The following LHCGR variants were observed in gnomAD, a reference collection of about 807,000 sequenced individuals.
LHCGR encodes lutropin-choriogonadotropic hormone receptor.
LHCGR carries 55 observed loss-of-function variants against 60.7 expected under a neutral mutation model. The observed-to-expected ratio is 0.91, with a 90% CI of 0.73 to 1.13. The LOEUF (loss-of-function observed/expected upper bound fraction) is 1.13. Among genes scored for constraint, LHCGR ranks in the 50% most tolerant of loss-of-function variants. The probability of loss-of-function intolerance (pLI) is 0.00; values close to 1 mark genes in which losing one functional copy is unlikely to be tolerated. For missense variants in LHCGR, 862 were observed against 836.0 expected (o/e 1.03, Z -0.38); for synonymous variants, 337 against 316.5 (o/e 1.06, Z -0.69).
At chr2:48,754,925 G>A (rs4073654) in intron 1 of LHCGR, among the ~76,000 whole-genome samples, 26,214 of 152,042 alleles carry the variant, frequency 0.17, 2,492 homozygotes, top group East Asian at 0.34. Context: ...AGGGCACAGG[G>A]CCTTTGGTCC....
intron 7 of LHCGR, among the ~76,000 whole-genome samples, chr2:48,712,523 C>T (rs1333860521): frequency 6.6e-6 from 1 of 152,050 alleles, no homozygotes; most frequent in Non-Finnish European, 1.5e-5. Context: ...GTTAATGAAC[C>T]TTTCATTAAG....
chr2:48,739,482 A>G (rs1669339207), intron 1 of LHCGR, among the ~76,000 whole-genome samples: 1 of 151,996 alleles, frequency 6.6e-6, no homozygotes, highest in Non-Finnish European at 1.5e-5. Flanking sequence ...CTATGCAGCC[A>G]TAAAAAATGA....
chr2:48,743,781 C>G (rs1669580247), intron 1 of LHCGR, among the ~76,000 whole-genome samples: 1 of 152,054 alleles, frequency 6.6e-6, no homozygotes. Context: ...TGAATACTGG[C>G]ACAAGACAGG....
intron 7 of LHCGR, 117 bp downstream of exon 7, chr2:48,713,869 T>C: frequency 1.2e-6 from 1 of 822,502 alleles, no homozygotes; most frequent in Non-Finnish European, 2.1e-6. Flanking sequence ...CACTGAGGGC[T>C]AGCCACTTGA....
chr2:48,755,435 G>A, intron 1 of LHCGR, 76 bp downstream of exon 1: 1 of 918,972 alleles, frequency 1.1e-6, no homozygotes, highest in Non-Finnish European at 1.7e-6. Flanking sequence ...GGCCAAAGGA[G>A]TAGGGAGGGA....
chr2:48,729,070 T>G (rs1668869272), intron 3 of LHCGR, 83 bp downstream of exon 3: 1 of 1,059,468 alleles, frequency 9.4e-7, no homozygotes, highest in South Asian at 1.3e-5. Context: ...TAGCAGTGGA[T>G]GCTTGAATAC....
chr2:48,752,991 G>GGGTGGGGGGGGGT (rs1553400396), intron 1 of LHCGR, among the ~76,000 whole-genome samples: 1 of 57,948 alleles, frequency 1.7e-5, no homozygotes, highest in African/African-American at 6.7e-5. Context: ...CGGGGGGGGG[G>GGGTGGGGGGGGGT]GGGGGTGGGG....
intron 8 of LHCGR, among the ~76,000 whole-genome samples, chr2:48,699,077 G>A (rs1466521393): frequency 6.6e-6 from 1 of 152,050 alleles, no homozygotes. Context: ...GCCCACCTCG[G>A]CCCCTCAAAG....
intron 1 of LHCGR, among the ~76,000 whole-genome samples, chr2:48,748,983 G>A (rs897851081): frequency 6.6e-6 from 1 of 152,164 alleles, no homozygotes; most frequent in Admixed American, 6.5e-5. Context: ...CACCTCTGTG[G>A]GCTCAGAAAT....
At chr2:48,720,177 T>C (rs537681981) in intron 6 of LHCGR, 1 of 152,292 alleles carries the variant, frequency 6.6e-6, no homozygotes, top group South Asian at 2.1e-4. Flanking sequence ...TAGAAAACCA[T>C]GAAGCTCTCT....
intron 8 of LHCGR, among the ~76,000 whole-genome samples, chr2:48,702,031 A>C (rs1230127273): frequency 6.6e-6 from 1 of 152,116 alleles, no homozygotes; most frequent in Non-Finnish European, 1.5e-5. Context: ...GGTTCAATCA[A>C]TGTTTGTTGA....
intron 1 of LHCGR, among the ~76,000 whole-genome samples, chr2:48,731,607 C>T (rs1668993204): frequency 6.6e-6 from 1 of 152,182 alleles, no homozygotes; most frequent in Admixed American, 6.5e-5. Context: ...TTTAAGCCCT[C>T]CAGCTCAGTT....
At chr2:48,730,664 C>T (rs1021447816) in intron 2 of LHCGR, among the ~76,000 whole-genome samples, 2 of 152,164 alleles carry the variant, frequency 1.3e-5, no homozygotes, top group Admixed American at 6.5e-5. Context: ...AGTATGGGAA[C>T]TTTGGTCCTA....
rs758729322 is a variant in LHCGR, at chr2:48,688,751, G to A, written c.1046C>T (p.Ala349Val). 5.6e-6 allele frequency: 9 copies of A among 1,613,978 alleles called. No homozygotes were observed. The highest frequency in any genetic ancestry group is 7.6e-6 in the Non-Finnish European group (9 of 1,179,980). ...KTPRCAPEPD[A>V]FNPCEDIMGY... ...CATAATATCTTCACAGGGATTAAAA[G>A]CATCTGGTTCAGGAGCACATCGGGG... Residue 349 changes from alanine (A) to valine (V), a missense_variant, in exon 11 of 11, where the codon GCT becomes GTT. Ala to Val is a moderately conservative substitution (Grantham distance 64, BLOSUM62 0). Transcript: ENST00000294954. The surrounding 1 kb of genome is among the most constrained non-coding windows in gnomAD (Gnocchi z 5.2).
chr2:48,712,731 G>C (rs1668055093), intron 7 of LHCGR, among the ~76,000 whole-genome samples: 2 of 151,458 alleles, frequency 1.3e-5, no homozygotes, highest in African/African-American at 4.8e-5. Flanking sequence ...CTCTATGCCA[G>C]GCACAGCGTT....
At chr2:48,699,591 A>G (rs1041817598) in intron 8 of LHCGR, among the ~76,000 whole-genome samples, 1 of 152,236 alleles carries the variant, frequency 6.6e-6, no homozygotes, top group Non-Finnish European at 1.5e-5. Context: ...CATGAAGCAC[A>G]GCCTGGTTAC....
In LHCGR at chr2:48,687,900, C is replaced by G. The variant is rs1485343259; in HGVS notation, c.1897G>C (p.Asp633His). 9 of 1,613,988 alleles carry G rather than the reference C, an allele frequency of 5.6e-6. No individual in the cohort carries two copies. The highest frequency in any genetic ancestry group is 7.6e-6 in the Non-Finnish European group (9 of 1,180,010). The change falls in exon 11 of 11, where the codon GAT (aspartate) becomes CAT (histidine). Residue 633 changes from aspartate to histidine, a missense_variant. Physicochemically the swap from Asp to His is moderately conservative, Grantham distance 81. Transcript: ENST00000294954. ...AATTTGCTCAGCAAAAGAAAGAAAT[C>G]TCTTTGGAATGTCTTAGTGAATATT... ...YAIFTKTFQRDFFLLLSKFGC... is the reference protein window; with the variant it reads ...YAIFTKTFQRHFFLLLSKFGC...
chr2:48,688,181 A>G lies in LHCGR; in HGVS notation c.1616T>C (p.Phe539Ser), dbSNP rs1308461665. The change falls in exon 11 of 11, where the codon TTC becomes TCC. Residue 539 changes from phenylalanine to serine, a missense_variant. Phe to Ser is a radical substitution (Grantham distance 155). Transcript: ENST00000294954. This position sits in a 1 kb window ranked among gnomAD's most constrained non-coding sequence, Gnocchi z 5.2. Reference protein sequence around the residue: ...LTILILNVVAFFIICACYIKI... With the variant: ...LTILILNVVASFIICACYIKI... Reference sequence around the variant, plus strand: ...AATGTAGCAAGCACAAATTATGAAGAAGGCCACCACATTGAGAATCAGGAT... The same window carrying G: ...AATGTAGCAAGCACAAATTATGAAGGAGGCCACCACATTGAGAATCAGGAT... 5.0e-6 allele frequency: 8 copies of G among 1,614,076 alleles called. No homozygotes were observed. The highest frequency in any genetic ancestry group is 1.3e-5 in the African/African-American group (1 of 74,926).
intron 8 of LHCGR, among the ~76,000 whole-genome samples, chr2:48,701,070 G>A (rs1667383396): frequency 6.6e-6 from 1 of 152,026 alleles, no homozygotes; most frequent in Non-Finnish European, 1.5e-5. Flanking sequence ...TGGCAGGAAT[G>A]GGAAGTAGAG....
Sources: allele counts gnomAD v4.1 joint callset (sites outside exome capture counted in the v4.1 genomes callset), GRCh38; gene constraint gnomAD v4.1.1; non-coding constraint Gnocchi (gnomAD v3.1); transcripts MANE v1.5; gene names NCBI Gene and HGNC (gene_info 2026-07-23, HGNC 2026-07-21).